FBXL20: variants seen among roughly 807,000 people sequenced by gnomAD.
The protein encoded by FBXL20 is F-box/LRR-repeat protein 20.
FBXL20 carries 11 observed loss-of-function variants against 64.0 expected under a neutral mutation model. The ratio of observed to expected loss-of-function variants is 0.17; its 90% CI spans 0.11 to 0.28. The LOEUF (loss-of-function observed/expected upper bound fraction) is 0.28. Among genes scored for constraint, FBXL20 ranks in the 10% least tolerant of loss-of-function variants. FBXL20 has a pLI of 1.00. For missense variants in FBXL20, 303 were observed against 526.2 expected, an observed-to-expected ratio of 0.58 and a Z score of 4.15; for synonymous variants, 184 against 189.0, an observed-to-expected ratio of 0.97 and a Z score of 0.22.
At chr17:39,300,012 G>T (rs1196854894) in intron 4 of FBXL20, among the ~76,000 whole-genome samples, 2 of 151,800 alleles carry the variant, frequency 1.3e-5, no homozygotes, top group East Asian at 3.9e-4. Context: ...CACAAGAATT[G>T]CTTGAACCCA....
intron 2 of FBXL20, among the ~76,000 whole-genome samples, chr17:39,337,135 GCCGCCACGCCTGACTGGTTTT>G (rs1251012039): frequency 6.6e-6 from 1 of 152,132 alleles, no homozygotes; most frequent in Non-Finnish European, 1.5e-5. Context: ...GCAGGCGCGC[GCCGCCACGCCTGACTGGTTTT>G]CGTATTTTTC....
intron 12 of FBXL20, 32 bp downstream of exon 12, chr17:39,268,795 C>G (rs768500528): frequency 2.9e-5 from 46 of 1,585,264 alleles, no homozygotes; most frequent in Non-Finnish European, 3.8e-5. Context: ...GTCTACTATA[C>G]TGTATTTCTG....
At chr17:39,336,078 G>A (rs1030890574) in intron 2 of FBXL20, among the ~76,000 whole-genome samples, 8 of 150,858 alleles carry the variant, frequency 5.3e-5, no homozygotes, top group South Asian at 2.1e-4. Context: ...TCATCCCACC[G>A]TATTCCAGCC....
intron 1 of FBXL20, among the ~76,000 whole-genome samples, chr17:39,355,573 G>A: frequency 6.6e-6 from 1 of 151,642 alleles, no homozygotes; most frequent in Non-Finnish European, 1.5e-5. Flanking sequence ...AAGAACTCCT[G>A]GGCCGGGCGC....
chr17:39,319,234 C>G (rs1365410895), intron 2 of FBXL20, among the ~76,000 whole-genome samples: 6 of 151,380 alleles, frequency 4.0e-5, no homozygotes, highest in African/African-American at 1.5e-4. Flanking sequence ...GGCAACAGAG[C>G]AAGACTCCAT....
At chr17:39,303,988 T>C (rs1203719685) in intron 2 of FBXL20, among the ~76,000 whole-genome samples, 1 of 152,160 alleles carries the variant, frequency 6.6e-6, no homozygotes, top group African/African-American at 2.4e-5. Flanking sequence ...TATGATAAAG[T>C]AGTTGCTCTT....
chr17:39,375,791 T>G (rs1400197768), intron 1 of FBXL20, among the ~76,000 whole-genome samples: 1 of 152,114 alleles, frequency 6.6e-6, no homozygotes, highest in East Asian at 1.9e-4. Flanking sequence ...TCATTTTAAT[T>G]TACCCCAAAT....
At chr17:39,351,803 C>T (rs1300891640) in intron 1 of FBXL20, among the ~76,000 whole-genome samples, 4 of 152,104 alleles carry the variant, frequency 2.6e-5, no homozygotes, top group Non-Finnish European at 5.9e-5. Context: ...ATCACCTAAA[C>T]ATGCAAGCAG....
chr17:39,327,152 C>T (rs1167148946), intron 2 of FBXL20, among the ~76,000 whole-genome samples: 3 of 152,130 alleles, frequency 2.0e-5, no homozygotes, highest in African/African-American at 7.2e-5. Context: ...TCCCAAAGTG[C>T]TGGGATTACA....
intron 6 of FBXL20, among the ~76,000 whole-genome samples, chr17:39,293,402 T>C (rs1350960654): frequency 6.6e-6 from 1 of 151,552 alleles, no homozygotes; most frequent in East Asian, 2.0e-4. Context: ...TTTGTATTTT[T>C]AGTAGAGATG....
At chr17:39,263,903 A>C in intron 14 of FBXL20, 1 of 242,628 alleles carries the variant, frequency 4.1e-6, no homozygotes. Context: ...TCAATCTGGG[A>C]ATGTTATTAA....
At chr17:39,268,773 T>G (rs1439734464) in intron 12 of FBXL20, 54 bp downstream of exon 12, 1 of 1,459,104 alleles carries the variant, frequency 6.9e-7, no homozygotes, top group Non-Finnish European at 9.6e-7. Context: ...TGATGTTGTG[T>G]ATTATCTAAG....
intron 2 of FBXL20, among the ~76,000 whole-genome samples, chr17:39,324,563 C>T (rs914777502): frequency 6.6e-6 from 1 of 152,144 alleles, no homozygotes; most frequent in African/African-American, 2.4e-5. Context: ...GGATTACAGG[C>T]GTGAGCAATG....
intron 1 of FBXL20, among the ~76,000 whole-genome samples, chr17:39,369,655 G>GT (rs1322642957): frequency 1.3e-5 from 2 of 151,800 alleles, no homozygotes; most frequent in East Asian, 3.9e-4. Context: ...CCAGCTATGT[G>GT]TTTATTTTCT....
At chr17:39,298,851 C>A (rs888929753) in intron 5 of FBXL20, 139 bp downstream of exon 5, 1 of 672,778 alleles carries the variant, frequency 1.5e-6, no homozygotes, top group Non-Finnish European at 2.5e-6. Flanking sequence ...TTTCTTATTA[C>A]TGGATATTTT....
intron 6 of FBXL20, among the ~76,000 whole-genome samples, chr17:39,295,994 T>C (rs1597782142): frequency 6.6e-6 from 1 of 152,066 alleles, no homozygotes; most frequent in Non-Finnish European, 1.5e-5. Context: ...ACAAGTAATG[T>C]AGTAGCCTTG....
chr17:39,313,680 G>C (rs2047257869), intron 2 of FBXL20, among the ~76,000 whole-genome samples: 2 of 152,014 alleles, frequency 1.3e-5, no homozygotes, highest in Admixed American at 1.3e-4. Context: ...TTGTTGCCCA[G>C]GCTGGAGTGC....
At chr17:39,346,734 G>A (rs1403372927) in intron 1 of FBXL20, among the ~76,000 whole-genome samples, 1 of 151,740 alleles carries the variant, frequency 6.6e-6, no homozygotes, top group Non-Finnish European at 1.5e-5. Context: ...GGGTACATGT[G>A]CACAACATGC....
At chr17:39,315,829 C>CAGAGAGACAGAGAGAGAG (rs2047284138) in intron 2 of FBXL20, among the ~76,000 whole-genome samples, 1 of 129,686 alleles carries the variant, frequency 7.7e-6, no homozygotes, top group Non-Finnish European at 1.6e-5. Context: ...GAGAGAGAGA[C>CAGAGAGACAGAGAGAGAG]AGAGAGAGAG....
Sources: allele counts gnomAD v4.1 joint callset (sites outside exome capture counted in the v4.1 genomes callset), GRCh38; gene constraint gnomAD v4.1.1; transcripts MANE v1.5; gene names NCBI Gene and HGNC (gene_info 2026-07-23, HGNC 2026-07-21).